The following CSNK1G1 variants were observed in gnomAD, a reference collection of about 807,000 sequenced individuals.
The protein encoded by CSNK1G1 is casein kinase I isoform gamma-1.
A neutral mutation model predicts 59.6 loss-of-function variants in CSNK1G1; 22 were observed. That is an observed-to-expected ratio of 0.37 (90% CI 0.26 to 0.53). CSNK1G1 has a LOEUF of 0.53. CSNK1G1 is among the 20% of genes least tolerant of loss of function. The pLI, the probability that CSNK1G1 is intolerant of heterozygous loss-of-function variation, is 0.89. For synonymous variants in CSNK1G1, 179 were observed against 177.1 expected (o/e 1.01, Z -0.08); for missense variants, 384 against 519.5 (o/e 0.74, Z 2.54).
intron 4 of CSNK1G1, among the ~76,000 whole-genome samples, chr15:64,228,599 G>A (rs906074799): frequency 2.6e-5 from 4 of 152,108 alleles, no homozygotes; most frequent in African/African-American, 7.2e-5. Flanking sequence ...TCATGCCACT[G>A]TACTCCAGCC....
chr15:64,304,791 G>T (rs1328708247), intron 1 of CSNK1G1, among the ~76,000 whole-genome samples: 1 of 152,146 alleles, frequency 6.6e-6, no homozygotes, highest in African/African-American at 2.4e-5. Context: ...AAGAGAGATT[G>T]CCAGGCTTCT....
At chr15:64,316,307 C>A (rs1407173790) in intron 1 of CSNK1G1, among the ~76,000 whole-genome samples, 1 of 151,982 alleles carries the variant, frequency 6.6e-6, no homozygotes, top group Non-Finnish European at 1.5e-5. Context: ...GAGGCCAAGG[C>A]GAGCTCATCA....
At chr15:64,187,856 T>C (rs2081918845) in intron 10 of CSNK1G1, among the ~76,000 whole-genome samples, 1 of 152,108 alleles carries the variant, frequency 6.6e-6, no homozygotes. Flanking sequence ...AAATCAGAAA[T>C]AATTTTCTTA....
intron 4 of CSNK1G1, among the ~76,000 whole-genome samples, chr15:64,250,387 A>G (rs747344121): frequency 6.6e-6 from 1 of 152,246 alleles, no homozygotes; most frequent in Non-Finnish European, 1.5e-5. Context: ...AATGACTCAT[A>G]TAATTCTAAA....
At chr15:64,267,754 A>G (rs1037754910) in intron 2 of CSNK1G1, among the ~76,000 whole-genome samples, 1 of 152,184 alleles carries the variant, frequency 6.6e-6, no homozygotes, top group Non-Finnish European at 1.5e-5. Flanking sequence ...AGTTCTCAAA[A>G]AATTAAAAAC....
At position 64,204,450 on chromosome 15, in the gene CSNK1G1, C is replaced by A. The variant is rs756085476; in HGVS notation, c.990G>T (p.Gly330=). 1.3e-6 allele frequency: 2 copies of A among 1,589,316 alleles called. No homozygotes were observed. Among genetic ancestry groups the A allele is most frequent in the Admixed American group, 3.7e-5 (2 of 53,962 alleles). The change falls in exon 9 of 12, where the codon GGG becomes GGT. Residue 330 remains glycine, a synonymous_variant. Transcript: ENST00000303052. ...AAAAAAGGATACTTACAATAGGTCT[C>A]CCAACCCAATCATAGGCATAGTCAA... ...YTFDYAYDWV[G]RPIPTPVGSV...
intron 2 of CSNK1G1, among the ~76,000 whole-genome samples, chr15:64,288,432 G>A (rs945080641): frequency 1.3e-5 from 2 of 151,820 alleles, no homozygotes; most frequent in South Asian, 4.1e-4. Flanking sequence ...GTATCTAGAC[G>A]ACATGGATAA....
At chr15:64,269,217 ACTC>A (rs551807510) in intron 2 of CSNK1G1, among the ~76,000 whole-genome samples, 1 of 152,056 alleles carries the variant, frequency 6.6e-6, no homozygotes, top group Non-Finnish European at 1.5e-5. Context: ...GCCATAGGTC[ACTC>A]CTCCTCAACT....
chr15:64,303,692 G>A (rs1056282483), intron 1 of CSNK1G1, among the ~76,000 whole-genome samples: 1 of 151,214 alleles, frequency 6.6e-6, no homozygotes, highest in African/African-American at 2.4e-5. Context: ...ACAGGTTGCA[G>A]TGAGCCGAGA....
chr15:64,346,422 T>TTGTA (rs1555405429), intron 1 of CSNK1G1, among the ~76,000 whole-genome samples: 1 of 137,456 alleles, frequency 7.3e-6, no homozygotes, highest in South Asian at 2.3e-4. Context: ...GGAAACGAGT[T>TTGTA]TTTATTTATT....
chr15:64,186,144 T>C (rs2140219733), intron 10 of CSNK1G1, among the ~76,000 whole-genome samples: 1 of 152,252 alleles, frequency 6.6e-6, no homozygotes, highest in East Asian at 1.9e-4. Flanking sequence ...TCTTGTTGTG[T>C]CGCCCAGGCT....
At chr15:64,315,700 T>C (rs949243005) in intron 1 of CSNK1G1, 3 of 152,230 alleles carry the variant, frequency 2.0e-5, no homozygotes, top group African/African-American at 7.2e-5. Context: ...CCCACTCACT[T>C]ACCCATTCAT....
intron 1 of CSNK1G1, among the ~76,000 whole-genome samples, chr15:64,308,797 T>G (rs1030945745): frequency 1.2e-4 from 18 of 151,764 alleles, no homozygotes; most frequent in Non-Finnish European, 1.8e-4. Context: ...CTCGGGAAGC[T>G]GAGGCAGGAA....
chr15:64,191,688 A>C (rs2081973424), intron 10 of CSNK1G1, among the ~76,000 whole-genome samples: 1 of 152,204 alleles, frequency 6.6e-6, no homozygotes, highest in Non-Finnish European at 1.5e-5. Context: ...TTTAAAGATA[A>C]ATAGAAAACT....
At position 64,176,356 on chromosome 15, in the gene CSNK1G1, T is replaced by A. The variant is rs920790324; in HGVS notation, c.1214+3992A>T. 2.8e-5 allele frequency: 11 copies of A among 397,954 alleles called. No individual in the cohort carries two copies. The highest frequency in any genetic ancestry group is 4.9e-5 in the Non-Finnish European group (11 of 225,886). The allele number at this position is 397,954 out of a possible 1,614,324, so 24.7% of individuals were successfully genotyped here. A position where few individuals can be genotyped will look rare whatever the true frequency, so the allele number is the denominator to read the frequency against. ...AGAGAGAGATATTAGTCCACAGAGG[T>A]GAAATGGAAGCGACTCCCTGTGAGC... On this transcript the variant is annotated intron_variant, in intron 11 of 11. Coordinates refer to ENST00000303052, the MANE Select transcript of CSNK1G1 (RefSeq NM_022048.5). This position sits in a 1 kb window ranked among gnomAD's most constrained non-coding sequence, Gnocchi z 5.2.
intron 10 of CSNK1G1, among the ~76,000 whole-genome samples, chr15:64,187,012 G>A (rs531648724): frequency 1.3e-5 from 2 of 151,926 alleles, no homozygotes; most frequent in East Asian, 3.9e-4. Context: ...TAGTAGAGAC[G>A]GGGTTTCACC....
chr15:64,294,912 C>CA (rs937758323), intron 2 of CSNK1G1, among the ~76,000 whole-genome samples: 4,085 of 50,434 alleles, frequency 0.081, 120 homozygotes, highest in Non-Finnish European at 0.09. Flanking sequence ...AACTTCGTCT[C>CA]AAAAAAAAAA....
chr15:64,249,258 G>A (rs555723380), intron 4 of CSNK1G1, among the ~76,000 whole-genome samples: 32 of 152,302 alleles, frequency 2.1e-4, no homozygotes, highest in South Asian at 2.1e-4. Flanking sequence ...TAGTCAAGCC[G>A]ATTTAGATGA....
chr15:64,303,735 A>G (rs1895497931), intron 1 of CSNK1G1, among the ~76,000 whole-genome samples: 1 of 149,726 alleles, frequency 6.7e-6, no homozygotes, highest in Non-Finnish European at 1.5e-5. Context: ...GGGCGACAAG[A>G]GCAAAACCCC....
Sources: gnomAD v4.1 joint callset for allele counts (sites outside exome capture counted in the v4.1 genomes callset) on GRCh38, gnomAD v4.1.1 for gene constraint, Gnocchi (gnomAD v3.1) non-coding constraint, MANE v1.5 for transcripts, NCBI Gene and HGNC (gene_info 2026-07-23, HGNC 2026-07-21) for gene names.